Variants in MB21D2 observed in about 807,000 individuals in gnomAD.
MB21D2 encodes nucleotidyltransferase MB21D2.
A neutral mutation model predicts 33.3 loss-of-function variants in MB21D2; 9 were observed. The ratio of observed to expected loss-of-function variants is 0.27; its 90% CI spans 0.16 to 0.47. MB21D2 has a LOEUF of 0.47. MB21D2 is among the 20% of genes least tolerant of loss of function. The pLI, the probability that MB21D2 is intolerant of heterozygous loss-of-function variation, is 0.99. For synonymous variants in MB21D2, 241 were observed against 236.3 expected, an observed-to-expected ratio of 1.02 and a Z score of -0.18; for missense variants, 540 against 624.6, an observed-to-expected ratio of 0.86 and a Z score of 1.44.
intron 1 of MB21D2, among the ~76,000 whole-genome samples, chr3:192,910,402 C>G (rs1714328758): frequency 6.6e-6 from 1 of 151,958 alleles, no homozygotes; most frequent in Non-Finnish European, 1.5e-5. Context: ...CGCTTGAGCC[C>G]AAGAGGTCAA....
intron 1 of MB21D2, among the ~76,000 whole-genome samples, chr3:192,845,686 C>G (rs1258289003): frequency 6.6e-6 from 1 of 152,222 alleles, no homozygotes; most frequent in African/African-American, 2.4e-5. Context: ...TCAAATATCA[C>G]TCTGATCTAC....
At chr3:192,880,525 C>T (rs777382475) in intron 1 of MB21D2, among the ~76,000 whole-genome samples, 10 of 151,894 alleles carry the variant, frequency 6.6e-5, no homozygotes, top group Non-Finnish European at 1.3e-4. Context: ...GGGTGTCTGG[C>T]GTCCAGTGAG....
At chr3:192,821,297 G>C (rs766577752) in intron 1 of MB21D2, among the ~76,000 whole-genome samples, 12 of 152,182 alleles carry the variant, frequency 7.9e-5, no homozygotes, top group Non-Finnish European at 1.6e-4. Flanking sequence ...CAGTGGATCT[G>C]ATAGCTGAAC....
intron 1 of MB21D2, among the ~76,000 whole-genome samples, chr3:192,867,690 A>T (rs1422427294): frequency 1.3e-5 from 2 of 152,150 alleles, no homozygotes; most frequent in African/African-American, 4.8e-5. Flanking sequence ...CTCTCCCATC[A>T]AGAGGCTGGG....
At position 192,849,924 on chromosome 3, in the gene MB21D2, T is replaced by TC. The variant is rs1274564433; in HGVS notation, c.212-50275_212-50274insG. ...GAAACATGTCATATAAAAATTTTCT[T>TC]TTTTTTTTTTTTTCGAGACAGTCTC... On this transcript the variant is annotated intron_variant, in intron 1 of 1. Coordinates refer to ENST00000392452, the MANE Select transcript of MB21D2 (RefSeq NM_178496.4). Among the ~76,000 whole-genome samples the TC allele has an allele frequency of 3.9e-5, 5 of 128,886 alleles. No homozygotes were observed. In the South Asian group the frequency reaches 1.1e-3, roughly 27 times the overall value. The allele number at this position is 128,886 out of a possible 152,430, so 84.6% of individuals were successfully genotyped here.
At chr3:192,850,457 A>C (rs1029099810) in intron 1 of MB21D2, among the ~76,000 whole-genome samples, 2 of 151,996 alleles carry the variant, frequency 1.3e-5, no homozygotes, top group African/African-American at 4.8e-5. Context: ...CACCCACCAT[A>C]TCTCTCCTTC....
chr3:192,895,024 C>G (rs899073799), intron 1 of MB21D2, among the ~76,000 whole-genome samples: 1 of 152,066 alleles, frequency 6.6e-6, no homozygotes. Flanking sequence ...TTCACTAACC[C>G]TCTCCACATA....
At chr3:192,842,405 A>C (rs530299965) in intron 1 of MB21D2, among the ~76,000 whole-genome samples, 1 of 152,342 alleles carries the variant, frequency 6.6e-6, no homozygotes, top group Admixed American at 6.5e-5. Flanking sequence ...ACCACCATTC[A>C]TGCATATAAC....
intron 1 of MB21D2, among the ~76,000 whole-genome samples, chr3:192,897,293 G>C (rs1714000062): frequency 6.6e-6 from 1 of 152,160 alleles, no homozygotes; most frequent in Admixed American, 6.5e-5. Flanking sequence ...AAACCAATGA[G>C]CAACAGTGGA....
chr3:192,830,740 A>G (rs1331731236), intron 1 of MB21D2, among the ~76,000 whole-genome samples: 2 of 152,188 alleles, frequency 1.3e-5, no homozygotes, highest in African/African-American at 4.8e-5. Context: ...ATGGCCCAGG[A>G]GCAAAGGCAT....
intron 1 of MB21D2, among the ~76,000 whole-genome samples, chr3:192,851,166 G>C (rs897539001): frequency 1.3e-5 from 2 of 152,114 alleles, no homozygotes; most frequent in African/African-American, 4.8e-5. Flanking sequence ...CCACACCATA[G>C]AATAGAATTA....
chr3:192,892,206 C>A (rs150190531), intron 1 of MB21D2, among the ~76,000 whole-genome samples: 5 of 152,340 alleles, frequency 3.3e-5, no homozygotes, highest in African/African-American at 9.6e-5. Flanking sequence ...GAGGCAGGGT[C>A]CATCTTCAGC....
At chr3:192,904,684 C>G (rs1714169734) in intron 1 of MB21D2, among the ~76,000 whole-genome samples, 1 of 152,328 alleles carries the variant, frequency 6.6e-6, no homozygotes, top group African/African-American at 2.4e-5. Flanking sequence ...GACACTGATA[C>G]ACACTGAAGT....
chr3:192,799,086 T>C lies in MB21D2; in HGVS notation c.776A>G (p.Asp259Gly). 1 of 1,613,946 alleles carries C rather than the reference T, an allele frequency of 6.2e-7. No homozygotes were observed. The highest frequency in any genetic ancestry group is 8.5e-7 in the Non-Finnish European group (1 of 1,179,968). ...GACCTCTTCCTCAGTAATCTTCCCATCCCAAAAGTGGTTCTCCATGAGCCA... is the reference window on the plus strand; with the variant it reads ...GACCTCTTCCTCAGTAATCTTCCCACCCCAAAAGTGGTTCTCCATGAGCCA... ...QSWLMENHFW[D>G]GKITEEEVIS... Residue 259 changes from aspartate (D) to glycine (G), a missense_variant, in exon 2 of 2, where the codon GAT becomes GGT. Transcript: ENST00000392452. The surrounding 1 kb of genome is among the most constrained non-coding windows in gnomAD (Gnocchi z 4.1).
At chr3:192,913,270 G>A (rs1013846533) in intron 1 of MB21D2, among the ~76,000 whole-genome samples, 20 of 151,922 alleles carry the variant, frequency 1.3e-4, no homozygotes, top group African/African-American at 3.9e-4. Context: ...GGTGTTACAC[G>A]CCTGCACTCC....
chr3:192,870,166 C>T (rs1713259708), intron 1 of MB21D2, among the ~76,000 whole-genome samples: 1 of 101,428 alleles, frequency 9.9e-6, no homozygotes, highest in African/African-American at 5.4e-5. Flanking sequence ...CTCTGTCTTT[C>T]CTAATCCACA....
chr3:192,893,555 T>A (rs1300066250), intron 1 of MB21D2, among the ~76,000 whole-genome samples: 1 of 152,208 alleles, frequency 6.6e-6, no homozygotes, highest in African/African-American at 2.4e-5. Flanking sequence ...ACCCCTTGAC[T>A]GTATGGGAAA....
intron 1 of MB21D2, among the ~76,000 whole-genome samples, chr3:192,894,084 C>T (rs1013066058): frequency 1.3e-5 from 2 of 152,012 alleles, no homozygotes; most frequent in Non-Finnish European, 2.9e-5. Flanking sequence ...ATTCTGTTCC[C>T]TGTTCAAGCT....
At chr3:192,829,247 C>G (rs1712260371) in intron 1 of MB21D2, among the ~76,000 whole-genome samples, 2 of 152,076 alleles carry the variant, frequency 1.3e-5, no homozygotes, top group South Asian at 4.1e-4. Context: ...TAGCTTGCTT[C>G]TTTTTGTACA....
Sources: gnomAD v4.1 joint callset for allele counts (sites outside exome capture counted in the v4.1 genomes callset) on GRCh38, gnomAD v4.1.1 for gene constraint, Gnocchi (gnomAD v3.1) non-coding constraint, MANE v1.5 for transcripts, NCBI Gene and HGNC (gene_info 2026-07-23, HGNC 2026-07-21) for gene names.